CNTN5: variants seen among roughly 807,000 people sequenced by gnomAD.
The protein encoded by CNTN5 is contactin-5.
Under a neutral mutation model 129.1 loss-of-function variants are expected in CNTN5, and 77 were observed. That is an observed-to-expected ratio of 0.60 (90% CI 0.50 to 0.72). The LOEUF (loss-of-function observed/expected upper bound fraction) is 0.72, where lower values mean the gene tolerates loss of function less well. Among genes scored for constraint, CNTN5 ranks in the 30% least tolerant of loss-of-function variants. The pLI is 0.00. For missense variants in CNTN5, 1,478 were observed against 1,328.8 expected (o/e 1.11, Z -1.75); for synonymous variants, 509 against 465.6 (o/e 1.09, Z -1.20).
chr11:99,064,188 C>T (rs1865006371), intron 1 of CNTN5, among the ~76,000 whole-genome samples: 1 of 152,106 alleles, frequency 6.6e-6, no homozygotes, highest in East Asian at 1.9e-4. Flanking sequence ...TTGCAGCTCT[C>T]CACAACCAAG....
At chr11:99,097,013 C>T (rs768876238) in intron 1 of CNTN5, among the ~76,000 whole-genome samples, 1 of 151,848 alleles carries the variant, frequency 6.6e-6, no homozygotes, top group Non-Finnish European at 1.5e-5. Flanking sequence ...TACAGTGCTA[C>T]ACTTTATTAG....
At chr11:99,555,323 T>C (rs192185495) in intron 2 of CNTN5, among the ~76,000 whole-genome samples, 13 of 152,150 alleles carry the variant, frequency 8.5e-5, no homozygotes, top group Admixed American at 5.9e-4. Context: ...AAGGAGAACA[T>C]AGCTGACACG....
At chr11:99,495,301 G>A (rs1307931462) in intron 2 of CNTN5, among the ~76,000 whole-genome samples, 4 of 152,206 alleles carry the variant, frequency 2.6e-5, no homozygotes, top group Non-Finnish European at 4.4e-5. Context: ...CCTGGAGGCG[G>A]AGGCTGTAGA....
At chr11:99,698,914 T>A (rs1469628166) in intron 3 of CNTN5, among the ~76,000 whole-genome samples, 17 of 143,312 alleles carry the variant, frequency 1.2e-4, no homozygotes, top group Non-Finnish European at 1.7e-4. Context: ...CACAAAAACA[T>A]AAAAAAAAAA....
chr11:99,865,656 A>G (rs866457317), intron 6 of CNTN5, among the ~76,000 whole-genome samples: 10 of 152,190 alleles, frequency 6.6e-5, no homozygotes, highest in Middle Eastern at 3.4e-3. Flanking sequence ...AGTGGCTGAG[A>G]TAAATTATAT....
chr11:99,128,671 G>T (rs1858773127), intron 1 of CNTN5, among the ~76,000 whole-genome samples: 1 of 152,186 alleles, frequency 6.6e-6, no homozygotes, highest in African/African-American at 2.4e-5. Flanking sequence ...TCCTGACTGG[G>T]TGAGACCTCC....
At chr11:99,446,085 T>TAAAAA (rs35641117) in intron 2 of CNTN5, among the ~76,000 whole-genome samples, 1 of 134,970 alleles carries the variant, frequency 7.4e-6, no homozygotes, top group Non-Finnish European at 1.6e-5. Flanking sequence ...ACTTTGTCAT[T>TAAAAA]AAAAAAAAAA....
intron 3 of CNTN5, among the ~76,000 whole-genome samples, chr11:99,744,654 A>G (rs1287296804): frequency 6.8e-6 from 1 of 146,812 alleles, no homozygotes; most frequent in Admixed American, 6.8e-5. Context: ...CAGGAGGTCT[A>G]GACTGCAGTG....
chr11:99,774,341 T>A (rs946527119), intron 3 of CNTN5, among the ~76,000 whole-genome samples: 1 of 151,950 alleles, frequency 6.6e-6, no homozygotes, highest in Non-Finnish European at 1.5e-5. Flanking sequence ...GGTTTTTTTT[T>A]TGGGGGGGTG....
intron 1 of CNTN5, among the ~76,000 whole-genome samples, chr11:99,321,997 TGC>T (rs1865594154): frequency 6.6e-6 from 1 of 152,216 alleles, no homozygotes; most frequent in Admixed American, 6.5e-5. Flanking sequence ...GTTTGTTTAG[TGC>T]CTCTTGCTTA....
At chr11:99,509,071 A>G (rs1018567778) in intron 2 of CNTN5, among the ~76,000 whole-genome samples, 2 of 152,192 alleles carry the variant, frequency 1.3e-5, no homozygotes, top group Non-Finnish European at 1.5e-5. Flanking sequence ...CAACACTTAC[A>G]CAGATATGAT....
chr11:99,845,754 C>T (rs1212315079), intron 6 of CNTN5, among the ~76,000 whole-genome samples: 5 of 152,008 alleles, frequency 3.3e-5, no homozygotes, highest in African/African-American at 1.2e-4. Context: ...GGTTGAAGTC[C>T]TTTTCATGAA....
intron 1 of CNTN5, among the ~76,000 whole-genome samples, chr11:99,054,589 G>A (rs971358198): frequency 6.6e-6 from 1 of 151,662 alleles, no homozygotes; most frequent in African/African-American, 2.4e-5. Context: ...TTTCCAAAGC[G>A]TTCCTTAATC....
chr11:99,350,424 A>T (rs577492644), intron 2 of CNTN5, among the ~76,000 whole-genome samples: 1 of 152,288 alleles, frequency 6.6e-6, no homozygotes, highest in Admixed American at 6.5e-5. Flanking sequence ...GTAAATATAG[A>T]TATGCACTGT....
Position 100,271,210 on chromosome 11 carries a change from C to A in CNTN5, c.2283C>A (p.Thr761=). 2 of 1,610,692 alleles carry A rather than the reference C, an allele frequency of 1.2e-6. No homozygotes were observed. Among genetic ancestry groups the A allele is most frequent in the Non-Finnish European group, 1.7e-6 (2 of 1,178,882 alleles). Residue 761 remains threonine (T), a synonymous_variant, in exon 18 of 25, where the codon ACC becomes ACA. Coordinates refer to ENST00000524871, the MANE Select transcript of CNTN5 (RefSeq NM_014361.4). The part of the protein sequence containing the change: ...TNPIGTGDPS[T]PSRMIRTNEA... Reference sequence around the variant, plus strand: ...CTATTGGGACAGGAGATCCAAGCACCCCATCTCGAATGATCCGCACAAATG... The same window carrying A: ...CTATTGGGACAGGAGATCCAAGCACACCATCTCGAATGATCCGCACAAATG...
intron 1 of CNTN5, among the ~76,000 whole-genome samples, chr11:99,029,319 A>G (rs972625483): frequency 3.3e-5 from 5 of 151,902 alleles, no homozygotes; most frequent in Non-Finnish European, 7.4e-5. Context: ...TGTGTATCTC[A>G]TCTTTTATTC....
chr11:99,506,508 AT>A (rs1401292000), intron 2 of CNTN5, among the ~76,000 whole-genome samples: 1 of 152,008 alleles, frequency 6.6e-6, no homozygotes, highest in Non-Finnish European at 1.5e-5. Context: ...CAGTATTGCG[AT>A]TTGTTTTAGG....
intron 2 of CNTN5, among the ~76,000 whole-genome samples, chr11:99,528,696 G>A (rs1486018064): frequency 6.6e-6 from 1 of 152,208 alleles, no homozygotes; most frequent in African/African-American, 2.4e-5. Context: ...GAAAGCTTCA[G>A]GACTTAGAAA....
chr11:99,442,566 G>A (rs1174241431), intron 2 of CNTN5, among the ~76,000 whole-genome samples: 1 of 152,062 alleles, frequency 6.6e-6, no homozygotes, highest in Admixed American at 6.6e-5. Context: ...CTATCAGCGT[G>A]TTTTATTTTA....
Sources: gnomAD v4.1 joint callset for allele counts (sites outside exome capture counted in the v4.1 genomes callset) on GRCh38, gnomAD v4.1.1 for gene constraint, MANE v1.5 for transcripts, NCBI Gene and HGNC (gene_info 2026-07-23, HGNC 2026-07-21) for gene names.